Variants in RNF121 observed in about 807,000 individuals in gnomAD.
The protein encoded by RNF121 is ring finger protein 121.
In RNF121, 21 loss-of-function variants were observed where a neutral mutation model predicts 46.5. That is an observed-to-expected ratio of 0.45 (90% confidence interval 0.32 to 0.65). The LOEUF is 0.65. RNF121 is among the 30% of genes least tolerant of loss of function. The pLI, the probability that RNF121 is intolerant of heterozygous loss-of-function variation, is 0.04. For synonymous variants in RNF121, 139 were observed against 144.7 expected (o/e 0.96, Z 0.28); for missense variants, 346 against 416.0 (o/e 0.83, Z 1.46).
intron 3 of RNF121, among the ~76,000 whole-genome samples, chr11:71,968,100 C>T (rs1161647165): frequency 1.3e-5 from 2 of 150,848 alleles, no homozygotes; most frequent in African/African-American, 4.9e-5. Context: ...CCTGCTCTGT[C>T]GCCCAGTTTG....
intron 3 of RNF121, among the ~76,000 whole-genome samples, chr11:71,982,277 A>G (rs1954676782): frequency 7.1e-6 from 1 of 140,392 alleles, no homozygotes; most frequent in Non-Finnish European, 1.5e-5. Context: ...CAGAGGCTAC[A>G]GTGAGCCAGG....
In RNF121 at chr11:71,997,071, A is replaced by G. The variant is rs1193847893; in HGVS notation, c.*756A>G. 1 of 152,262 alleles carries G rather than the reference A, an allele frequency of 6.6e-6. No homozygotes were observed. Among genetic ancestry groups the G allele is most frequent in the Non-Finnish European group, 1.5e-5 (1 of 68,076 alleles). 9.4% of individuals were successfully genotyped at this position (152,262 alleles called of 1,614,324 possible). On this transcript the variant is annotated 3_prime_UTR_variant, in exon 9 of 9. Transcript: ENST00000361756. ...GGTCATATAGTTGGGCCATGGGGCAATTGTTGGCAGCCATGACTGACGGCC... is the reference window on the plus strand; with the variant it reads ...GGTCATATAGTTGGGCCATGGGGCAGTTGTTGGCAGCCATGACTGACGGCC...
At chr11:71,990,530 C>T in intron 5 of RNF121, 67 bp from the exon 6 acceptor site, 1 of 1,578,760 alleles carries the variant, frequency 6.3e-7, no homozygotes, top group South Asian at 1.2e-5. Flanking sequence ...TTGTGTGTCC[C>T]AGAGTAGTAA....
chr11:71,967,450 A>G (rs1187524062), intron 3 of RNF121, among the ~76,000 whole-genome samples: 1 of 148,540 alleles, frequency 6.7e-6, no homozygotes, highest in Non-Finnish European at 1.5e-5. Flanking sequence ...TCTGGGTTCA[A>G]GCGATTCTTC....
At chr11:71,965,145 G>T (rs1311477413) in intron 3 of RNF121, among the ~76,000 whole-genome samples, 1 of 152,048 alleles carries the variant, frequency 6.6e-6, no homozygotes, top group Non-Finnish European at 1.5e-5. Context: ...ATTTTTAGAT[G>T]TTTATGACAT....
intron 1 of RNF121, among the ~76,000 whole-genome samples, chr11:71,948,759 T>A (rs1953790568): frequency 1.3e-5 from 2 of 152,184 alleles, no homozygotes; most frequent in Non-Finnish European, 2.9e-5. Flanking sequence ...TTCAACTTAT[T>A]AGCCTTGAAT....
At chr11:71,963,527 G>A (rs1279755322) in intron 3 of RNF121, among the ~76,000 whole-genome samples, 5 of 152,162 alleles carry the variant, frequency 3.3e-5, no homozygotes, top group Admixed American at 2.6e-4. Context: ...GGCTGAGGCA[G>A]GAGAATCGCT....
chr11:71,953,460 G>T (rs1953926802), intron 1 of RNF121, among the ~76,000 whole-genome samples: 1 of 152,184 alleles, frequency 6.6e-6, no homozygotes, highest in African/African-American at 2.4e-5. Flanking sequence ...TGTGAGTGCT[G>T]GGATGTAGTA....
intron 2 of RNF121, among the ~76,000 whole-genome samples, chr11:71,959,026 A>G (rs1021420404): frequency 6.6e-5 from 10 of 152,114 alleles, no homozygotes; most frequent in African/African-American, 2.4e-4. Flanking sequence ...TCTCACAACA[A>G]CTCTTGAGTC....
intron 6 of RNF121, 46 bp downstream of exon 6, chr11:71,990,763 A>G (rs754591787): frequency 1.9e-6 from 3 of 1,606,736 alleles, no homozygotes; most frequent in East Asian, 4.5e-5. Context: ...ACACCTCCAA[A>G]TTGCTCAAGT....
At chr11:71,953,130 C>T (rs1953921697) in intron 1 of RNF121, among the ~76,000 whole-genome samples, 1 of 152,174 alleles carries the variant, frequency 6.6e-6, no homozygotes, top group South Asian at 2.1e-4. Flanking sequence ...AACTCCTGGG[C>T]TTAAGCAGTC....
chr11:71,995,370 G>A (rs1204830532), intron 7 of RNF121, 80 bp from the exon 8 acceptor site: 1 of 1,139,532 alleles, frequency 8.8e-7, no homozygotes, highest in Non-Finnish European at 1.3e-6. Flanking sequence ...AGCGAAGGCA[G>A]GATTTGAACC....
intron 1 of RNF121, among the ~76,000 whole-genome samples, chr11:71,947,575 G>C (rs1191519628): frequency 6.6e-6 from 1 of 152,176 alleles, no homozygotes; most frequent in Non-Finnish European, 1.5e-5. Flanking sequence ...AAGCACTGAG[G>C]GATGAAAGAG....
At chr11:71,982,971 T>C in intron 4 of RNF121, 56 bp downstream of exon 4, 1 of 1,523,020 alleles carries the variant, frequency 6.6e-7, no homozygotes, top group Non-Finnish European at 8.8e-7. Flanking sequence ...TGGGTTGGAA[T>C]GCATGGGAGG....
intron 3 of RNF121, among the ~76,000 whole-genome samples, chr11:71,971,529 G>A (rs1954419522): frequency 6.6e-6 from 1 of 152,154 alleles, no homozygotes; most frequent in South Asian, 2.1e-4. Context: ...GAGAATAGAT[G>A]AGTAATGATT....
chr11:71,944,622 C>G (rs1953670152), intron 1 of RNF121, among the ~76,000 whole-genome samples: 1 of 152,192 alleles, frequency 6.6e-6, no homozygotes, highest in Admixed American at 6.5e-5. Context: ...CAAGAGCTCA[C>G]TGTCCGTGCT....
chr11:71,980,264 C>T (rs1169429022), intron 3 of RNF121, among the ~76,000 whole-genome samples: 2 of 152,118 alleles, frequency 1.3e-5, no homozygotes, highest in Non-Finnish European at 2.9e-5. Flanking sequence ...AGAATGGGAA[C>T]CTCTAAAGCA....
intron 1 of RNF121, among the ~76,000 whole-genome samples, chr11:71,947,964 A>T (rs1356022344): frequency 6.6e-6 from 1 of 152,208 alleles, no homozygotes; most frequent in Non-Finnish European, 1.5e-5. Flanking sequence ...CATGAACTGT[A>T]TGGGCTGTAA....
chr11:71,970,901 GA>G (rs1954406872), intron 3 of RNF121, among the ~76,000 whole-genome samples: 1 of 152,066 alleles, frequency 6.6e-6, no homozygotes, highest in Non-Finnish European at 1.5e-5. Flanking sequence ...AGATGGATGG[GA>G]ATTTAATATA....
Sources: allele counts gnomAD v4.1 joint callset (sites outside exome capture counted in the v4.1 genomes callset), GRCh38; gene constraint gnomAD v4.1.1; transcripts MANE v1.5; gene names NCBI Gene and HGNC (gene_info 2026-07-23, HGNC 2026-07-21).